The following IFT74 variants were observed in gnomAD, a reference collection of about 807,000 sequenced individuals.
IFT74 encodes the protein intraflagellar transport protein 74 homolog.
IFT74 carries 92 observed loss-of-function variants against 96.7 expected under a neutral mutation model. The observed-to-expected ratio is 0.95, with a 90% CI of 0.80 to 1.13. IFT74 has a LOEUF of 1.13. IFT74 is among the 50% of genes most tolerant of loss of function. IFT74 has a pLI of 0.00. For synonymous variants in IFT74, 223 were observed against 213.2 expected, an observed-to-expected ratio of 1.05 and a Z score of -0.40; for missense variants, 811 against 698.2, an observed-to-expected ratio of 1.16 and a Z score of -1.82.
At chr9:27,047,894 G>A (rs916705003) in intron 15 of IFT74, among the ~76,000 whole-genome samples, 2 of 151,826 alleles carry the variant, frequency 1.3e-5, no homozygotes, top group African/African-American at 2.4e-5. Flanking sequence ...TTCTAAAATA[G>A]TGTAGTTGAA....
chr9:26,976,198 A>C (rs1215919481), intron 2 of IFT74, among the ~76,000 whole-genome samples: 3 of 152,172 alleles, frequency 2.0e-5, no homozygotes, highest in Non-Finnish European at 4.4e-5. Flanking sequence ...ACAGTGGGAC[A>C]CGTCTCCCCC....
At chr9:27,008,421 G>A (rs939162229) in intron 8 of IFT74, among the ~76,000 whole-genome samples, 10 of 151,468 alleles carry the variant, frequency 6.6e-5, no homozygotes, top group African/African-American at 1.5e-4. Flanking sequence ...GAAGTGGCGC[G>A]ATCTCAGCCC....
At chr9:26,969,266 T>C (rs2131501851) in intron 2 of IFT74, among the ~76,000 whole-genome samples, 2 of 152,256 alleles carry the variant, frequency 1.3e-5, no homozygotes, top group Admixed American at 1.3e-4. Flanking sequence ...TCAGAGAAGA[T>C]ACATATATAT....
upstream of IFT74, among the ~76,000 whole-genome samples, chr9:26,951,435 T>G (rs1825926660): frequency 6.6e-6 from 1 of 152,082 alleles, no homozygotes; most frequent in South Asian, 2.1e-4. Context: ...GTGCCAAAAC[T>G]TTGGGCTGGT....
chr9:27,021,241 C>T (rs1281722077), intron 12 of IFT74, among the ~76,000 whole-genome samples: 2 of 152,102 alleles, frequency 1.3e-5, no homozygotes, highest in Non-Finnish European at 2.9e-5. Context: ...TGATTGTTGG[C>T]TTTTTGGCTG....
chr9:27,024,927 G>GA (rs1829785844), intron 12 of IFT74, among the ~76,000 whole-genome samples: 1 of 149,286 alleles, frequency 6.7e-6, no homozygotes, highest in South Asian at 2.1e-4. Context: ...AGAGCTCTAA[G>GA]ACAAGGCTTT....
intron 8 of IFT74, chr9:26,998,000 G>C: frequency 6.2e-7 from 1 of 1,613,880 alleles, no homozygotes; most frequent in Non-Finnish European, 8.5e-7. Flanking sequence ...TACATAGATG[G>C]AGTTTCTACA....
At chr9:27,029,196 C>T (rs1315455647) in intron 13 of IFT74, 92 bp downstream of exon 13, 2 of 865,392 alleles carry the variant, frequency 2.3e-6, no homozygotes, top group African/African-American at 3.5e-5. Context: ...GTTCAACTAC[C>T]TGGGATTTAT....
intron 12 of IFT74, among the ~76,000 whole-genome samples, chr9:27,025,342 C>A (rs11496422): frequency 1.3e-4 from 20 of 148,962 alleles, no homozygotes; most frequent in Non-Finnish European, 2.1e-4. Context: ...ACTTGGGAGG[C>A]TAAGGCAGAA....
Position 27,018,701 on chromosome 9 carries a change from T to C in IFT74, c.974+14T>C, listed in dbSNP as rs1165200937. The C allele has an allele frequency of 5.4e-6, 8 of 1,469,906 alleles. No individual in the cohort carries two copies. The highest frequency in any genetic ancestry group is 1.4e-5 in the African/African-American group (1 of 72,234). The allele number at this position is 1,469,906 out of a possible 1,614,324, so 91.1% of individuals were successfully genotyped here. ...CATGGAAAGACAGTAAGTATCTTTA[T>C]ACTAGGACATTTTACATCCATTTCT... On this transcript the variant is annotated intron_variant, in intron 12 of 19. Transcript: ENST00000380062.
intron 8 of IFT74, among the ~76,000 whole-genome samples, chr9:26,990,524 G>A (rs556489532): frequency 1.3e-5 from 2 of 152,112 alleles, no homozygotes; most frequent in Non-Finnish European, 2.9e-5. Flanking sequence ...GAATTTTGGT[G>A]TTTCATCCCC....
At chr9:26,962,128 T>G in intron 2 of IFT74, 41 bp downstream of exon 2, 1 of 1,607,436 alleles carries the variant, frequency 6.2e-7, no homozygotes. Flanking sequence ...GAGGCCAAGG[T>G]GGGAGGACCA....
rs943234663 is a variant in IFT74, at chr9:26,978,290, C to T, written c.256+27C>T. 5 of 1,602,474 alleles carry T rather than the reference C, an allele frequency of 3.1e-6. No individual in the cohort carries two copies. The African/African-American group carries it at 6.7e-5, about 22-fold the overall frequency. ...TACCTATTTTAAGATAAGTATGACA[C>T]TTGGGCCTGTGTTTTGTAAGAAATA... On this transcript the variant is annotated intron_variant, in intron 3 of 19. Coordinates refer to ENST00000380062, the MANE Select transcript of IFT74 (RefSeq NM_025103.4).
intron 2 of IFT74, among the ~76,000 whole-genome samples, chr9:26,977,551 T>A (rs1827180336): frequency 6.6e-6 from 1 of 152,188 alleles, no homozygotes. Context: ...TGCAGTGGCA[T>A]GATCTCGGCT....
At chr9:27,004,024 G>GT (rs1166880250) in intron 8 of IFT74, among the ~76,000 whole-genome samples, 8 of 152,000 alleles carry the variant, frequency 5.3e-5, no homozygotes, top group East Asian at 3.9e-4. Context: ...GGGAAGTGCT[G>GT]TTTTTTTTCC....
intron 16 of IFT74, among the ~76,000 whole-genome samples, chr9:27,049,657 A>C (rs1819840715): frequency 6.6e-6 from 1 of 152,198 alleles, no homozygotes; most frequent in African/African-American, 2.4e-5. Flanking sequence ...TTCCTCAAGA[A>C]ACTTTCAACT....
intron 12 of IFT74, among the ~76,000 whole-genome samples, chr9:27,021,976 A>G (rs975322843): frequency 1.3e-5 from 2 of 152,190 alleles, no homozygotes; most frequent in African/African-American, 4.8e-5. Context: ...CTTAGATTTA[A>G]GTCTCTGATT....
At chr9:26,970,755 A>G (rs1363760266) in intron 2 of IFT74, among the ~76,000 whole-genome samples, 1 of 152,252 alleles carries the variant, frequency 6.6e-6, no homozygotes, top group Non-Finnish European at 1.5e-5. Flanking sequence ...CTCTAGAATT[A>G]GTACTATTCC....
intron 2 of IFT74, among the ~76,000 whole-genome samples, chr9:26,972,283 A>G (rs560128813): frequency 6.6e-6 from 1 of 152,244 alleles, no homozygotes; most frequent in African/African-American, 2.4e-5. Flanking sequence ...AGATAGTTCT[A>G]ACTTGGTGGG....
Sources: gnomAD v4.1 joint callset for allele counts (sites outside exome capture counted in the v4.1 genomes callset) on GRCh38, gnomAD v4.1.1 for gene constraint, MANE v1.5 for transcripts, NCBI Gene and HGNC (gene_info 2026-07-23, HGNC 2026-07-21) for gene names.